COL4A6: variants seen among roughly 807,000 people sequenced by gnomAD.
COL4A6 encodes collagen type IV alpha 6 chain, also known as collagen alpha-6(IV) chain.
In COL4A6, 59 loss-of-function variants were observed where a neutral mutation model predicts 126.7. The ratio of observed to expected loss-of-function variants is 0.47; its 90% CI spans 0.38 to 0.58. The LOEUF is 0.58. COL4A6 is among the 20% of genes least tolerant of loss of function. The probability of loss-of-function intolerance (pLI) is 0.00; values close to 1 mark genes in which losing one functional copy is unlikely to be tolerated. For synonymous variants in COL4A6, 547 were observed against 496.6 expected, an observed-to-expected ratio of 1.10 and a Z score of -1.35; for missense variants, 1,285 against 1,337.3, an observed-to-expected ratio of 0.96 and a Z score of 0.61.
chrX:108,424,222 C>T (rs1271084795), intron 2 of COL4A6, among the ~76,000 whole-genome samples: 3 of 111,513 alleles, frequency 2.7e-5, no homozygotes, highest in African/African-American at 9.8e-5. Flanking sequence ...GGAAGGAGTG[C>T]CTTTTTCTAA....
chrX:108,415,307 C>A (rs2041413702), intron 2 of COL4A6, among the ~76,000 whole-genome samples: 1 of 111,669 alleles, frequency 9.0e-6, no homozygotes, highest in African/African-American at 3.3e-5. Flanking sequence ...TTCAATCACC[C>A]CAACTGACTA....
At chrX:108,298,275 G>A (rs867660248) in intron 3 of COL4A6, among the ~76,000 whole-genome samples, 5 of 112,665 alleles carry the variant, frequency 4.4e-5, no homozygotes, top group South Asian at 7.5e-4. Flanking sequence ...TCTTTGTGCC[G>A]TGTTTGCTTC....
At chrX:108,381,737 T>C (rs1410804053) in intron 2 of COL4A6, among the ~76,000 whole-genome samples, 1 of 111,738 alleles carries the variant, frequency 8.9e-6, no homozygotes, top group African/African-American at 3.3e-5. Flanking sequence ...ATTTAAAAAG[T>C]TATTGGTAAT....
intron 3 of COL4A6, among the ~76,000 whole-genome samples, chrX:108,306,379 A>C (rs1332109): frequency 0.37 from 40,872 of 110,476 alleles, 6,822 homozygotes; most frequent in East Asian, 0.73. Context: ...AGGTGATATA[A>C]AATATGAGCT....
intron 2 of COL4A6, among the ~76,000 whole-genome samples, chrX:108,353,043 T>G (rs1427915287): frequency 8.9e-6 from 1 of 112,075 alleles, no homozygotes; most frequent in Non-Finnish European, 1.9e-5. Context: ...GAGGTGATGG[T>G]GAAGGCAACG....
chrX:108,404,988 C>T (rs983852493), intron 2 of COL4A6, among the ~76,000 whole-genome samples: 4 of 110,722 alleles, frequency 3.6e-5, no homozygotes, highest in Admixed American at 1.9e-4. Context: ...CTCATCTACC[C>T]CCCACACAAA....
intron 3 of COL4A6, among the ~76,000 whole-genome samples, chrX:108,298,552 G>T (rs2038392926): frequency 9.0e-6 from 1 of 111,693 alleles, no homozygotes. Context: ...GTGGGAACGG[G>T]TGCTGTTCTC....
At chrX:108,381,941 T>A (rs2040566183) in intron 2 of COL4A6, among the ~76,000 whole-genome samples, 1 of 99,830 alleles carries the variant, frequency 1.0e-5, no homozygotes, top group Non-Finnish European at 1.9e-5. Flanking sequence ...TCTCTCTCTC[T>A]TTATGACTAA....
At chrX:108,205,746 A>T in intron 9 of COL4A6, 51 bp from the exon 10 acceptor site, 2 of 1,064,124 alleles carry the variant, frequency 1.9e-6, no homozygotes, top group Non-Finnish European at 2.6e-6. Flanking sequence ...AGTTTCAGTC[A>T]AAAAGAACAC....
chrX:108,202,884 C>T, intron 13 of COL4A6, 44 bp downstream of exon 13: 1 of 1,101,132 alleles, frequency 9.1e-7, no homozygotes, highest in Non-Finnish European at 1.3e-6. Context: ...AGCTTTTGTC[C>T]AATCAGACCC....
intron 2 of COL4A6, among the ~76,000 whole-genome samples, chrX:108,389,847 G>A (rs941591355): frequency 9.0e-6 from 1 of 111,632 alleles, no homozygotes; most frequent in African/African-American, 3.3e-5. Context: ...AATTTGGTAT[G>A]TTTTTCCAGT....
intron 3 of COL4A6, among the ~76,000 whole-genome samples, chrX:108,248,312 A>G (rs1236327531): frequency 9.0e-6 from 1 of 111,485 alleles, no homozygotes; most frequent in Non-Finnish European, 1.9e-5. Flanking sequence ...TACTGCTACA[A>G]AAGATCAAAT....
At chrX:108,308,889 C>A (rs2038692329) in intron 3 of COL4A6, among the ~76,000 whole-genome samples, 1 of 111,661 alleles carries the variant, frequency 9.0e-6, no homozygotes, top group African/African-American at 3.3e-5. Flanking sequence ...AAGATTTTCA[C>A]TGTAGCTCTG....
intron 40 of COL4A6, 107 bp downstream of exon 40, chrX:108,164,493 A>G (rs960015874): frequency 2.7e-6 from 2 of 731,874 alleles, no homozygotes; most frequent in African/African-American, 4.2e-5. Context: ...CAGCTGTTTT[A>G]GACATCCAGA....
At chrX:108,437,541 T>C (rs1333303354) in intron 2 of COL4A6, among the ~76,000 whole-genome samples, 1 of 111,425 alleles carries the variant, frequency 9.0e-6, no homozygotes, top group Non-Finnish European at 1.9e-5. Context: ...CTGCGGCACT[T>C]TGAAGTTCCA....
intron 3 of COL4A6, among the ~76,000 whole-genome samples, chrX:108,304,318 C>T (rs753966720): frequency 8.9e-6 from 1 of 111,792 alleles, no homozygotes; most frequent in South Asian, 3.8e-4. Flanking sequence ...GCTATGATTG[C>T]ATCTTGATTC....
At chrX:108,385,354 T>C (rs2040662771) in intron 2 of COL4A6, among the ~76,000 whole-genome samples, 1 of 110,479 alleles carries the variant, frequency 9.1e-6, no homozygotes, top group African/African-American at 3.3e-5. Flanking sequence ...TTAAAGAAAA[T>C]CTAAATAAAA....
At chrX:108,160,806 C>T in intron 42 of COL4A6, 152 bp from the exon 43 acceptor site, 1 of 464,466 alleles carries the variant, frequency 2.2e-6, no homozygotes, top group Non-Finnish European at 3.3e-6. Context: ...ATTACCACCC[C>T]AATTTTTAGA....
intron 2 of COL4A6, among the ~76,000 whole-genome samples, chrX:108,351,328 C>G (rs1208891004): frequency 9.0e-6 from 1 of 111,094 alleles, no homozygotes; most frequent in Non-Finnish European, 1.9e-5. Flanking sequence ...TCTGCATTTT[C>G]TGATTTGAAA....
Sources: allele counts gnomAD v4.1 joint callset (sites outside exome capture counted in the v4.1 genomes callset), GRCh38; gene constraint gnomAD v4.1.1; transcripts MANE v1.5; gene names NCBI Gene and HGNC (gene_info 2026-07-23, HGNC 2026-07-21).